C19orf12: variants seen among roughly 807,000 people sequenced by gnomAD.
C19orf12 encodes the protein protein C19orf12.
Under a neutral mutation model 3.8 loss-of-function variants are expected in C19orf12, and 2 were observed. That is an observed-to-expected ratio of 0.53 (90% CI 0.22 to 1.66). C19orf12 has a LOEUF of 1.66. C19orf12 is among the 40% of genes most tolerant of loss of function. The probability of loss-of-function intolerance (pLI) is 0.20; values close to 1 mark genes in which losing one functional copy is unlikely to be tolerated. For missense variants in C19orf12, 156 were observed against 188.8 expected (o/e 0.83, Z 1.02); for synonymous variants, 89 against 84.6 (o/e 1.05, Z -0.28).
At position 29,699,059 on chromosome 19, in the gene C19orf12, C is replaced by T. The variant is rs1320643286; in HGVS notation, c.*3653G>A. On this transcript the variant is annotated 3_prime_UTR_variant, in exon 3 of 3. Transcript: ENST00000323670. ...TGGTTAGGCACAGTGGAATATTATG[C>T]AGCCATTACAAATATTTACAAGGAA... is the stretch of plus-strand genomic sequence containing the variant. The T allele has an allele frequency of 4.4e-6, 2 of 453,890 alleles. No homozygotes were observed. Among genetic ancestry groups the T allele is most frequent in the South Asian group, 3.1e-5 (2 of 64,460 alleles). 28.1% of individuals were successfully genotyped at this position (453,890 alleles called of 1,614,324 possible).
At chr19:29,711,601 T>TG (rs1303380672) in intron 1 of C19orf12, among the ~76,000 whole-genome samples, 1 of 152,220 alleles carries the variant, frequency 6.6e-6, no homozygotes, top group Admixed American at 6.5e-5. Context: ...ATGCTTGGTC[T>TG]GCAAGGCTGG....
rs1254949383 is a variant in C19orf12, at chr19:29,700,529, G to C, written c.*2183C>G. 4.4e-6 allele frequency: 2 copies of C among 454,004 alleles called. No homozygotes were observed. The highest frequency in any genetic ancestry group is 8.8e-6 in the Non-Finnish European group (2 of 226,790). The allele number at this position is 454,004 out of a possible 1,614,324, so 28.1% of individuals were successfully genotyped here. A position where few individuals can be genotyped will look rare whatever the true frequency, so the allele number is the denominator to read the frequency against. On this transcript the variant is annotated 3_prime_UTR_variant, in exon 3 of 3. Coordinates refer to ENST00000323670, the MANE Select transcript of C19orf12 (RefSeq NM_031448.6). ...CGTATGCAGGACTTATTTGCAGGAA[G>C]AGCAGGAATGATCAGTTCAACAAGA...
chr19:29,707,074 T>C (rs1456537370), intron 2 of C19orf12, among the ~76,000 whole-genome samples: 1 of 152,116 alleles, frequency 6.6e-6, no homozygotes, highest in African/African-American at 2.4e-5. Flanking sequence ...AGGTGGTAAA[T>C]GGCCAGGCAC....
chr19:29,703,212 C>T (rs1972207458), intron 2 of C19orf12, among the ~76,000 whole-genome samples: 1 of 152,054 alleles, frequency 6.6e-6, no homozygotes, highest in African/African-American at 2.4e-5. Flanking sequence ...TCCCTGGGCT[C>T]CACATTTAAG....
rs577666641 is a variant in C19orf12 at position 29,712,655 on chromosome 19, C to A, written c.-11+2470G>T. ...CACCTTATGTAAATGAAGCACCCCTCCCACCAGCTTTTCTATAAAAACCCT... is the reference window on the plus strand; with the variant it reads ...CACCTTATGTAAATGAAGCACCCCTACCACCAGCTTTTCTATAAAAACCCT... On this transcript the variant is annotated intron_variant, in intron 1 of 2. Transcript: ENST00000323670. 2.6e-5 allele frequency among the ~76,000 whole-genome samples: 4 copies of A among 152,284 alleles called. No individual in the cohort carries two copies. In the South Asian group the frequency reaches 8.3e-4, roughly 32 times the overall value.
intron 1 of C19orf12, 138 bp from the exon 2 acceptor site, chr19:29,708,561 A>T (rs750184512): frequency 2.8e-6 from 3 of 1,079,800 alleles, no homozygotes; most frequent in Non-Finnish European, 4.1e-6. Context: ...CCTGTATGAC[A>T]GACAGCATCC....
intron 2 of C19orf12, chr19:29,705,144 C>G (rs1972304374): frequency 4.8e-6 from 1 of 210,358 alleles, no homozygotes; most frequent in East Asian, 1.2e-4. Context: ...TATCACACAC[C>G]CCCAGAATTA....
In C19orf12 at chr19:29,702,485, G is replaced by C. The variant is rs767675466; in HGVS notation, c.*227C>G. 1.4e-6 allele frequency: 1 copy of C among 722,940 alleles called. No individual in the cohort carries two copies. 44.8% of individuals were successfully genotyped at this position (722,940 alleles called of 1,614,324 possible). The stretch of plus-strand genomic sequence containing the variant: ...TCACTGGGGGGCCAGTCAGAGGGCT[G>C]TCATGGCAGGCCAGTGCACATGCCA... On this transcript the variant is annotated 3_prime_UTR_variant, in exon 3 of 3. Transcript: ENST00000323670.
intron 2 of C19orf12, among the ~76,000 whole-genome samples, chr19:29,704,046 T>C (rs987812447): frequency 3.3e-5 from 5 of 152,102 alleles, no homozygotes; most frequent in African/African-American, 1.2e-4. Context: ...GCAGCTGATA[T>C]GCTCCTTGCC....
chr19:29,714,905 A>C, intron 1 of C19orf12: 2 of 663,992 alleles, frequency 3.0e-6, no homozygotes, highest in Non-Finnish European at 5.6e-6. Flanking sequence ...TCTGCTGCTT[A>C]CTTGTGTGAC....
In C19orf12 at chr19:29,702,964, C is replaced by T; in HGVS notation, c.174G>A (p.Gly58=). Residue 58 remains glycine, a synonymous_variant, in exon 3 of 3, where the codon GGG becomes GGA. Coordinates refer to ENST00000323670, the MANE Select transcript of C19orf12 (RefSeq NM_031448.6). Reference sequence around the variant, plus strand: ...TTGTCATCCAGGCACCTAACAGCCCCCCGACAGCCCCCCCTAGAAAACATG... The same window carrying T: ...TTGTCATCCAGGCACCTAACAGCCCTCCGACAGCCCCCCCTAGAAAACATG... ...PPGLAVGGAV[G]GLLGAWMTSG... is the part of the protein sequence containing the mutation. 6.2e-7 allele frequency: 1 copy of T among 1,613,848 alleles called. No homozygotes were observed. The highest frequency in any genetic ancestry group is 8.5e-7 in the Non-Finnish European group (1 of 1,179,752).
chr19:29,704,913 G>C (rs1354179778), intron 2 of C19orf12, among the ~76,000 whole-genome samples: 1 of 152,208 alleles, frequency 6.6e-6, no homozygotes, highest in Non-Finnish European at 1.5e-5. Context: ...CTTCACGCCA[G>C]TTCATTGCTA....
rs1254742297 is a variant in C19orf12, at chr19:29,699,698, G to T, written c.*3014C>A. Reference sequence around the variant, plus strand: ...TTTCAGAGACTTACTTTAAAACAGAGTTAAAGGAATACACATGAAATTGGT... The same window carrying T: ...TTTCAGAGACTTACTTTAAAACAGATTTAAAGGAATACACATGAAATTGGT... On this transcript the variant is annotated 3_prime_UTR_variant, in exon 3 of 3. Coordinates refer to ENST00000323670, the MANE Select transcript of C19orf12 (RefSeq NM_031448.6). 2.2e-6 allele frequency: 1 copy of T among 453,908 alleles called. No homozygotes were observed. The highest frequency in any genetic ancestry group is 4.4e-6 in the Non-Finnish European group (1 of 226,782). The allele number at this position is 453,908 out of a possible 1,614,324, so 28.1% of individuals were successfully genotyped here. A position where few individuals can be genotyped will look rare whatever the true frequency, so the allele number is the denominator to read the frequency against.
intron 1 of C19orf12, 110 bp downstream of exon 1, chr19:29,715,015 C>T (rs1403896245): frequency 2.8e-6 from 2 of 708,388 alleles, no homozygotes; most frequent in African/African-American, 1.8e-5. Flanking sequence ...AGGGCGGGGA[C>T]CCTCTCCCCA....
rs551754932 is a variant in C19orf12 at position 29,700,285 on chromosome 19, T to G, written c.*2427A>C. Reference sequence around the variant, plus strand: ...CCCCGATTGTTCCAGAAGGATTTGCTGTAAGCAACCGGAGAAGTTGGCATT... The same window carrying G: ...CCCCGATTGTTCCAGAAGGATTTGCGGTAAGCAACCGGAGAAGTTGGCATT... On this transcript the variant is annotated 3_prime_UTR_variant, in exon 3 of 3. Coordinates refer to ENST00000323670, the MANE Select transcript of C19orf12 (RefSeq NM_031448.6). 1 of 454,140 alleles carries G rather than the reference T, an allele frequency of 2.2e-6. No homozygotes were observed. The highest frequency in any genetic ancestry group is 2.0e-5 in the African/African-American group (1 of 50,128). The allele number at this position is 454,140 out of a possible 1,614,324, so 28.1% of individuals were successfully genotyped here.
chr19:29,705,251 C>A (rs1232432485), intron 2 of C19orf12: 1 of 413,600 alleles, frequency 2.4e-6, no homozygotes, highest in South Asian at 1.7e-5. Flanking sequence ...CAAATTCAAA[C>A]TGAGAGATGT....
In C19orf12 at chr19:29,702,613, C is replaced by T; in HGVS notation, c.*99G>A. The stretch of plus-strand genomic sequence containing the variant: ...GTAATACACTGATGATGTGGAGATT[C>T]CCCAGGGGGCATCCGCTGGGCTTCT... On this transcript the variant is annotated 3_prime_UTR_variant, in exon 3 of 3. Transcript: ENST00000323670. 6.7e-7 allele frequency: 1 copy of T among 1,496,452 alleles called. No individual in the cohort carries two copies. Among genetic ancestry groups the T allele is most frequent in the East Asian group, 2.3e-5 (1 of 44,364 alleles). 92.7% of individuals were successfully genotyped at this position (1,496,452 alleles called of 1,614,324 possible).
chr19:29,707,805 AC>A (rs1299097638), intron 2 of C19orf12, among the ~76,000 whole-genome samples: 3 of 151,658 alleles, frequency 2.0e-5, no homozygotes, highest in Non-Finnish European at 4.4e-5. Context: ...AACTCCTCCC[AC>A]AAGACGCATG....
intron 2 of C19orf12, among the ~76,000 whole-genome samples, chr19:29,707,163 C>T (rs1314312441): frequency 1.3e-5 from 2 of 152,186 alleles, no homozygotes; most frequent in Non-Finnish European, 2.9e-5. Flanking sequence ...TTGAGACCAG[C>T]CTGGCCAAAA....
Sources: gnomAD v4.1 joint callset for allele counts (sites outside exome capture counted in the v4.1 genomes callset) on GRCh38, gnomAD v4.1.1 for gene constraint, MANE v1.5 for transcripts, NCBI Gene and HGNC (gene_info 2026-07-23, HGNC 2026-07-21) for gene names.